DOCK1: variants seen among roughly 807,000 people sequenced by gnomAD.
DOCK1 encodes dedicator of cytokinesis protein 1.
DOCK1 carries 138 observed loss-of-function variants against 262.7 expected under a neutral mutation model. The ratio of observed to expected loss-of-function variants is 0.53; its 90% CI spans 0.46 to 0.61. The LOEUF is 0.61. Ranked by LOEUF, DOCK1 falls within the 20% of genes least tolerant of loss-of-function variation. The pLI is 0.00. For synonymous variants in DOCK1, 866 were observed against 867.4 expected, an observed-to-expected ratio of 1.00 and a Z score of 0.03; for missense variants, 1,908 against 2,370.7, an observed-to-expected ratio of 0.80 and a Z score of 4.05.
chr10:127,368,639 C>T (rs1436136111), intron 33 of DOCK1, among the ~76,000 whole-genome samples: 2 of 152,064 alleles, frequency 1.3e-5, no homozygotes, highest in Non-Finnish European at 2.9e-5. Flanking sequence ...TTGGGGTCTT[C>T]GCGCCCCTTA....
chr10:127,105,392 T>C (rs1032274753), intron 23 of DOCK1, among the ~76,000 whole-genome samples: 1 of 152,182 alleles, frequency 6.6e-6, no homozygotes, highest in Non-Finnish European at 1.5e-5. Flanking sequence ...ACTCTGTTTT[T>C]TGAGGGTGTT....
chr10:127,373,927 T>G, intron 34 of DOCK1, 61 bp downstream of exon 34: 2 of 1,556,320 alleles, frequency 1.3e-6, no homozygotes, highest in South Asian at 2.4e-5. Context: ...GAGACCGTAA[T>G]TAGACTACAA....
intron 25 of DOCK1, among the ~76,000 whole-genome samples, chr10:127,122,226 C>G (rs1267551486): frequency 6.6e-6 from 1 of 152,088 alleles, no homozygotes; most frequent in South Asian, 2.1e-4. Context: ...TCTTTGGGGG[C>G]CTGGGATGGG....
chr10:127,408,936 T>C, intron 40 of DOCK1, 101 bp from the exon 41 acceptor site: 1 of 1,403,784 alleles, frequency 7.1e-7, no homozygotes, highest in South Asian at 1.5e-5. Flanking sequence ...AATGACATTT[T>C]GTAAGAACCC....
intron 30 of DOCK1, among the ~76,000 whole-genome samples, chr10:127,342,807 A>C (rs995151319): frequency 2.6e-5 from 4 of 152,218 alleles, no homozygotes; most frequent in Non-Finnish European, 5.9e-5. Context: ...AACCCTTGAA[A>C]TATGGGTTTA....
At chr10:127,236,594 C>T (rs1362006806) in intron 27 of DOCK1, among the ~76,000 whole-genome samples, 1 of 143,340 alleles carries the variant, frequency 7.0e-6, no homozygotes. Flanking sequence ...CAGTACCACA[C>T]TGTCTTGATA....
At chr10:126,927,028 G>A (rs2033788613) in intron 1 of DOCK1, among the ~76,000 whole-genome samples, 1 of 152,228 alleles carries the variant, frequency 6.6e-6, no homozygotes, top group Non-Finnish European at 1.5e-5. Context: ...CAATTGAGAA[G>A]GAGAGACTTG....
intron 16 of DOCK1, among the ~76,000 whole-genome samples, chr10:127,030,909 A>G (rs750659827): frequency 6.6e-6 from 1 of 152,216 alleles, no homozygotes; most frequent in Non-Finnish European, 1.5e-5. Flanking sequence ...AAATCAGGTG[A>G]GAGGAAAGAG....
chr10:127,418,216 TA>T, intron 44 of DOCK1, 148 bp from the exon 45 acceptor site: 1 of 842,418 alleles, frequency 1.2e-6, no homozygotes, highest in Non-Finnish European at 1.8e-6. Context: ...ACAATAATAA[TA>T]AAATGCCCAG....
intron 29 of DOCK1, among the ~76,000 whole-genome samples, chr10:127,312,791 C>T (rs946465277): frequency 7.9e-5 from 12 of 151,378 alleles, no homozygotes; most frequent in African/African-American, 2.9e-4. Context: ...GATGGTCTTC[C>T]CCCTCACAGC....
At chr10:127,253,816 G>T (rs571124454) in intron 28 of DOCK1, among the ~76,000 whole-genome samples, 12 of 146,018 alleles carry the variant, frequency 8.2e-5, no homozygotes, top group African/African-American at 3.0e-4. Flanking sequence ...TTGAGGCTGC[G>T]GTGAGCTAAG....
At chr10:127,101,068 G>A (rs765512110) in intron 23 of DOCK1, among the ~76,000 whole-genome samples, 10 of 151,688 alleles carry the variant, frequency 6.6e-5, no homozygotes, top group Non-Finnish European at 1.5e-4. Context: ...AGCAGGGGAA[G>A]AGGTTGGAGC....
intron 21 of DOCK1, among the ~76,000 whole-genome samples, chr10:127,045,075 G>C (rs1484939020): frequency 6.6e-6 from 1 of 151,934 alleles, no homozygotes; most frequent in Non-Finnish European, 1.5e-5. Context: ...GCACGTGCCT[G>C]TAGTCCCAGC....
intron 27 of DOCK1, among the ~76,000 whole-genome samples, chr10:127,230,610 T>G (rs545692496): frequency 6.6e-6 from 1 of 152,304 alleles, no homozygotes; most frequent in South Asian, 2.1e-4. Flanking sequence ...CTATCCTGTT[T>G]CATTGGTCGA....
At chr10:127,052,219 A>G (rs2044770767) in intron 21 of DOCK1, among the ~76,000 whole-genome samples, 1 of 152,190 alleles carries the variant, frequency 6.6e-6, no homozygotes, top group Admixed American at 6.5e-5. Context: ...TATCAGGCAC[A>G]TTTACTGATT....
chr10:127,409,299 C>G lies in DOCK1; in HGVS notation c.4265-14C>G. ...TCTATGCTGCCTTAGTGATCCTTAA[C>G]CCCCTCACCTCAGATATTCAGTGCT... On this transcript the variant is annotated splice_polypyrimidine_tract_variant and intron_variant, in intron 41 of 51. Transcript: ENST00000623213. The G allele has an allele frequency of 3.1e-6, 5 of 1,613,832 alleles. No individual in the cohort carries two copies. The highest frequency in any genetic ancestry group is 4.2e-6 in the Non-Finnish European group (5 of 1,179,822).
intron 23 of DOCK1, among the ~76,000 whole-genome samples, chr10:127,081,370 C>CTTT (rs11298794): frequency 7.1e-5 from 10 of 140,870 alleles, no homozygotes; most frequent in African/African-American, 2.6e-4. Context: ...GTATGTGGGG[C>CTTT]TTTTTTTTTT....
chr10:127,246,457 T>G (rs891354276), intron 27 of DOCK1, among the ~76,000 whole-genome samples: 1 of 152,220 alleles, frequency 6.6e-6, no homozygotes, highest in Non-Finnish European at 1.5e-5. Context: ...CAGCCTTTCT[T>G]GAGCTGAATG....
At chr10:127,414,202 C>G (rs1000325641) in intron 43 of DOCK1, among the ~76,000 whole-genome samples, 3 of 152,192 alleles carry the variant, frequency 2.0e-5, no homozygotes, top group African/African-American at 7.2e-5. Context: ...GTGAGCCCCC[C>G]ACGCTTGTCC....
Sources: gnomAD v4.1 joint callset for allele counts (sites outside exome capture counted in the v4.1 genomes callset) on GRCh38, gnomAD v4.1.1 for gene constraint, MANE v1.5 for transcripts, NCBI Gene and HGNC (gene_info 2026-07-23, HGNC 2026-07-21) for gene names.